SQOR: variants seen among roughly 807,000 people sequenced by gnomAD.
SQOR encodes sulfide:quinone oxidoreductase, mitochondrial.
Under a neutral mutation model 48.6 loss-of-function variants are expected in SQOR, and 39 were observed. The observed-to-expected ratio is 0.80, with a 90% confidence interval of 0.62 to 1.05. The LOEUF is 1.05. SQOR is among the 50% of genes least tolerant of loss of function. The pLI is 0.00. For synonymous variants in SQOR, 220 were observed against 206.2 expected (o/e 1.07, Z -0.57); for missense variants, 561 against 559.9 (o/e 1.00, Z -0.02).
upstream of SQOR, among the ~76,000 whole-genome samples, chr15:45,632,474 C>T (rs529110769): frequency 4.5e-4 from 68 of 152,102 alleles, no homozygotes; most frequent in African/African-American, 1.6e-3. Flanking sequence ...CCTGCCACAG[C>T]CTCCCAAAGT....
chr15:45,632,948 A>AT (rs1175642414), upstream of SQOR, among the ~76,000 whole-genome samples: 2 of 151,856 alleles, frequency 1.3e-5, no homozygotes, highest in Admixed American at 6.6e-5. Flanking sequence ...CTACAAAAAA[A>AT]AAAAATAAAT....
At chr15:45,672,852 C>T (rs1337426092) in intron 4 of SQOR, among the ~76,000 whole-genome samples, 2 of 152,204 alleles carry the variant, frequency 1.3e-5, no homozygotes, top group Non-Finnish European at 2.9e-5. Context: ...ATACCTTATC[C>T]CCATTTCACA....
chr15:45,673,977 A>G (rs1889990363), intron 5 of SQOR, 176 bp downstream of exon 5: 2 of 656,628 alleles, frequency 3.0e-6, no homozygotes, highest in African/African-American at 3.6e-5. Flanking sequence ...AAAATCACTC[A>G]TGATCCAATT....
upstream of SQOR, among the ~76,000 whole-genome samples, chr15:45,633,252 T>C (rs1280511063): frequency 6.6e-6 from 1 of 152,184 alleles, no homozygotes; most frequent in Non-Finnish European, 1.5e-5. Context: ...GTAAAGTTAT[T>C]TAGGTTCTAG....
rs139667630 is a variant in SQOR at position 45,675,197 on chromosome 15, G to A, written c.655-904G>A. Among the ~76,000 whole-genome samples, 371 of 152,220 alleles carry A rather than the reference G, an allele frequency of 2.4e-3. 2 individuals are homozygous for A. Among genetic ancestry groups the A allele is most frequent in the South Asian group, 5.0e-3 (24 of 4,818 alleles). On this transcript the variant is annotated intron_variant, in intron 5 of 9. Coordinates refer to ENST00000260324, the MANE Select transcript of SQOR (RefSeq NM_021199.4). ...GAAGAAGAAACCAGCTGTTTCTTCC[G>A]TCCTGGAAACTTCTTTGTGTAACTC...
In SQOR at chr15:45,688,912, C is replaced by G. The variant is rs111998335; in HGVS notation, c.1117-127C>G. ...AATATAATTTACATTTTTCACAGTACAAAAAGCTAGAATATACAGAAAAGA... is the reference window on the plus strand; with the variant it reads ...AATATAATTTACATTTTTCACAGTAGAAAAAGCTAGAATATACAGAAAAGA... On this transcript the variant is annotated intron_variant, in intron 8 of 9. Coordinates refer to ENST00000260324, the MANE Select transcript of SQOR (RefSeq NM_021199.4). 23 of 764,502 alleles carry G rather than the reference C, an allele frequency of 3.0e-5. No homozygotes were observed. The African/African-American group carries it at 3.5e-4, about 12-fold the overall frequency. The allele number at this position is 764,502 out of a possible 1,614,324, so 47.4% of individuals were successfully genotyped here.
chr15:45,636,428 G>A (rs1253038505), intron 1 of SQOR, among the ~76,000 whole-genome samples: 1 of 141,534 alleles, frequency 7.1e-6, no homozygotes, highest in South Asian at 2.2e-4. Flanking sequence ...TTTTTGAGAC[G>A]GAGTCTCACT....
chr15:45,639,532 T>A (rs1220552281), intron 1 of SQOR, among the ~76,000 whole-genome samples: 1 of 152,228 alleles, frequency 6.6e-6, no homozygotes, highest in Non-Finnish European at 1.5e-5. Context: ...AATGGCTATG[T>A]CTGTATCCTG....
intron 1 of SQOR, among the ~76,000 whole-genome samples, chr15:45,636,817 A>C (rs1214105447): frequency 6.6e-6 from 1 of 152,214 alleles, no homozygotes; most frequent in African/African-American, 2.4e-5. Flanking sequence ...CTAGAGAAAT[A>C]AAAGATGTAA....
chr15:45,662,100 G>A lies in SQOR; in HGVS notation c.380G>A (p.Cys127Tyr), dbSNP rs1889731507. The change falls in exon 3 of 10, where the codon TGC (cysteine) becomes TAC (tyrosine). Residue 127 changes from cysteine to tyrosine, a missense_variant. Physicochemically the swap from Cys to Tyr is radical, Grantham distance 194. Coordinates refer to ENST00000260324, the MANE Select transcript of SQOR (RefSeq NM_021199.4). ...RVTELNPDKN[C>Y]IHTDDDEKIS... is the part of the protein sequence containing the mutation. Reference sequence around the variant, plus strand: ...ACTGAGTTGAACCCAGACAAGAACTGCATTCACACAGATGACGACGAGAAG... The same window carrying A: ...ACTGAGTTGAACCCAGACAAGAACTACATTCACACAGATGACGACGAGAAG... 3.1e-6 allele frequency: 5 copies of A among 1,614,046 alleles called. No individual in the cohort carries two copies. Among genetic ancestry groups the A allele is most frequent in the African/African-American group, 1.3e-5 (1 of 75,042 alleles).
intron 1 of SQOR, among the ~76,000 whole-genome samples, chr15:45,652,253 A>C (rs1459268964): frequency 2.6e-5 from 4 of 152,204 alleles, no homozygotes; most frequent in African/African-American, 9.7e-5. Flanking sequence ...TATCAGATTT[A>C]TGCTCCTTGT....
chr15:45,656,393 G>T (rs569098066), intron 1 of SQOR, among the ~76,000 whole-genome samples: 1 of 152,078 alleles, frequency 6.6e-6, no homozygotes, highest in East Asian at 1.9e-4. Context: ...TTCACCTCCC[G>T]GGCTTGAGTG....
chr15:45,651,857 C>T (rs904008084), intron 1 of SQOR, among the ~76,000 whole-genome samples: 1 of 151,920 alleles, frequency 6.6e-6, no homozygotes, highest in African/African-American at 2.4e-5. Flanking sequence ...TCTTCTTCTT[C>T]TTCTCCTTCT....
At chr15:45,671,679 G>GATGT in intron 4 of SQOR, among the ~76,000 whole-genome samples, 1 of 152,210 alleles carries the variant, frequency 6.6e-6, no homozygotes, top group East Asian at 1.9e-4. Context: ...CTAGGGCAAG[G>GATGT]ATGTAGCTGG....
chr15:45,643,868 C>G (rs1895148672), intron 1 of SQOR, among the ~76,000 whole-genome samples: 1 of 152,116 alleles, frequency 6.6e-6, no homozygotes, highest in Non-Finnish European at 1.5e-5. Flanking sequence ...GAGAAGATAT[C>G]TTAAGTTTCA....
At chr15:45,690,098 T>TTTTA (rs1890296453) in intron 9 of SQOR, among the ~76,000 whole-genome samples, 1 of 122,400 alleles carries the variant, frequency 8.2e-6, no homozygotes, top group Admixed American at 8.2e-5. Context: ...TTTTTTTTTT[T>TTTTA]GGAGGCAAAG....
At chr15:45,639,676 G>T (rs541899721) in intron 1 of SQOR, among the ~76,000 whole-genome samples, 1 of 152,218 alleles carries the variant, frequency 6.6e-6, no homozygotes, top group Non-Finnish European at 1.5e-5. Context: ...ATAGGAAAAT[G>T]ATGTGTTTTA....
chr15:45,676,941 T>C (rs1890046883), intron 6 of SQOR, among the ~76,000 whole-genome samples: 2 of 151,274 alleles, frequency 1.3e-5, no homozygotes, highest in Non-Finnish European at 2.9e-5. Context: ...CCCGGGAGGC[T>C]GAGGCAGGAG....
At position 45,676,234 on chromosome 15, in the gene SQOR, T is replaced by A. The variant is rs750347071; in HGVS notation, c.788T>A (p.Leu263His). 1.9e-6 allele frequency: 3 copies of A among 1,614,036 alleles called. No homozygotes were observed. Among genetic ancestry groups the A allele is most frequent in the Non-Finnish European group, 2.5e-6 (3 of 1,179,988 alleles). The part of the protein sequence containing the change: ...RNLTVNYKKN[L>H]IEVRADKQEA... ...CTCACTGTTAACTACAAGAAAAACC[T>A]CATTGAAGTCCGAGCCGATAAACAA... Residue 263 changes from leucine to histidine, a missense_variant, in exon 6 of 10, where the codon CTC becomes CAC. Transcript: ENST00000260324.
Sources: gnomAD v4.1 joint callset for allele counts (sites outside exome capture counted in the v4.1 genomes callset) on GRCh38, gnomAD v4.1.1 for gene constraint, MANE v1.5 for transcripts, NCBI Gene and HGNC (gene_info 2026-07-23, HGNC 2026-07-21) for gene names.